IL15RA: variants seen among roughly 807,000 people sequenced by gnomAD.
IL15RA encodes interleukin-15 receptor subunit alpha.
In IL15RA, 26 loss-of-function variants were observed where a neutral mutation model predicts 24.2. The ratio of observed to expected loss-of-function variants is 1.07; its 90% confidence interval spans 0.79 to 1.49. The LOEUF (loss-of-function observed/expected upper bound fraction) is 1.49. Among genes scored for constraint, IL15RA ranks in the 40% most tolerant of loss-of-function variants. The pLI, the probability that IL15RA is intolerant of heterozygous loss-of-function variation, is 0.00. For synonymous variants in IL15RA, 166 were observed against 157.6 expected, an observed-to-expected ratio of 1.05 and a Z score of -0.40; for missense variants, 354 against 356.4, an observed-to-expected ratio of 0.99 and a Z score of 0.05.
At chr10:5,978,030 G>A, upstream of IL15RA, 1 of 156,778 alleles carries the variant, frequency 6.4e-6, no homozygotes, top group Non-Finnish European at 1.4e-5. This position sits in a 1 kb window ranked among gnomAD's most constrained non-coding sequence, Gnocchi z 5.2. Flanking sequence ...GCCTGGGTGA[G>A]TGCCCGCGGA....
In IL15RA at chr10:5,967,292, CCT is replaced by C. The variant is rs1202829639; in HGVS notation, c.89-955_89-954del. Among the ~76,000 whole-genome samples the C allele has an allele frequency of 6.6e-6, 1 of 152,202 alleles. No homozygotes were observed. ...CGATCTTGGCTCACTGCAACCTCCACCTCCTGGGTTCAAGCGATTCTCCTGCC... is the reference window on the plus strand; with the variant it reads ...CGATCTTGGCTCACTGCAACCTCCACCCTGGGTTCAAGCGATTCTCCTGCC... On this transcript the variant is annotated intron_variant, in intron 1 of 6. Coordinates refer to ENST00000379977, the MANE Select transcript of IL15RA (RefSeq NM_002189.4). This position sits in a 1 kb window ranked among gnomAD's most constrained non-coding sequence, Gnocchi z 4.4.
chr10:5,954,742 A>G (rs1834293654), intron 6 of IL15RA, among the ~76,000 whole-genome samples: 1 of 152,230 alleles, frequency 6.6e-6, no homozygotes, highest in Non-Finnish European at 1.5e-5. Flanking sequence ...TAAAAAATAT[A>G]TTCAGTGAAT....
chr10:5,974,734 G>A (rs955082638), intron 1 of IL15RA, among the ~76,000 whole-genome samples: 7 of 151,934 alleles, frequency 4.6e-5, no homozygotes, highest in Middle Eastern at 3.4e-3. Context: ...AAAATTAGCC[G>A]GGCGTAGTGG....
At position 5,967,077 on chromosome 10, in the gene IL15RA, T is replaced by C. The variant is rs1023361814; in HGVS notation, c.89-738A>G. ...AATTTCTATTCTAATAGTTTTTAAC[T>C]GGATCAAATTCTCCCACCTCCATCT... On this transcript the variant is annotated intron_variant, in intron 1 of 6. Coordinates refer to ENST00000379977, the MANE Select transcript of IL15RA (RefSeq NM_002189.4). The surrounding 1 kb of genome is among the most constrained non-coding windows in gnomAD (Gnocchi z 4.4). Among the ~76,000 whole-genome samples the C allele has an allele frequency of 1.3e-5, 2 of 152,012 alleles. No individual in the cohort carries two copies. The highest frequency in any genetic ancestry group is 4.8e-5 in the African/African-American group (2 of 41,432).
chr10:5,969,295 T>A (rs927316114), intron 1 of IL15RA, among the ~76,000 whole-genome samples: 1 of 149,822 alleles, frequency 6.7e-6, no homozygotes, highest in African/African-American at 2.4e-5. Context: ...TTAAAATTTT[T>A]AAATTAAATT....
chr10:5,976,188 A>G lies in IL15RA; in HGVS notation c.88+1217T>C, dbSNP rs558508218. 6.6e-5 allele frequency among the ~76,000 whole-genome samples: 10 copies of G among 151,862 alleles called. No individual in the cohort carries two copies. The South Asian group carries it at 1.9e-3, about 28-fold the overall frequency. On this transcript the variant is annotated intron_variant, in intron 1 of 6. Transcript: ENST00000379977. ...ACTGGGAGGAACCAACCGGTCACCA[A>G]CTAACTCTGCTTCTCAGATGTGGGG...
intron 1 of IL15RA, among the ~76,000 whole-genome samples, chr10:5,974,311 AT>A (rs1838073062): frequency 6.6e-6 from 1 of 152,154 alleles, no homozygotes; most frequent in African/African-American, 2.4e-5. Flanking sequence ...ATACAATTCA[AT>A]TTTTAAGAGA....
chr10:5,960,379 G>T lies in IL15RA; in HGVS notation c.571C>A (p.His191Asn). The change falls in exon 4 of 7, where the codon CAC becomes AAC. Residue 191 changes from histidine (H) to asparagine (N), a missense_variant. Transcript: ENST00000379977. This position sits in a 1 kb window ranked among gnomAD's most constrained non-coding sequence, Gnocchi z 5.1. The part of the protein sequence containing the change: ...KNWELTASAS[H>N]QPPGVYPQGH... ...AGCGAGTGCTAACCTGGCGGCTGGT[G>T]GGAGGCGGATGCTGTGAGTTCCCAG... 1 of 1,614,044 alleles carries T rather than the reference G, an allele frequency of 6.2e-7. No homozygotes were observed. Among genetic ancestry groups the T allele is most frequent in the Non-Finnish European group, 8.5e-7 (1 of 1,179,954 alleles).
downstream of IL15RA, chr10:5,950,789 G>A (rs1833806583): frequency 6.5e-6 from 1 of 152,706 alleles, no homozygotes; most frequent in Non-Finnish European, 1.5e-5. The surrounding 1 kb of genome is among the most constrained non-coding windows in gnomAD (Gnocchi z 5.6). Flanking sequence ...CAGCCACGTG[G>A]AGAAGCCTCC....
At chr10:5,972,488 C>A (rs1342042308) in intron 1 of IL15RA, among the ~76,000 whole-genome samples, 1 of 152,112 alleles carries the variant, frequency 6.6e-6, no homozygotes, top group East Asian at 1.9e-4. Context: ...CATTGCCAGA[C>A]AAGATCAGCT....
In IL15RA at chr10:5,952,681, C is replaced by G. The variant is rs1833980792; in HGVS notation, c.*414G>C. On this transcript the variant is annotated 3_prime_UTR_variant, in exon 7 of 7. Coordinates refer to ENST00000379977, the MANE Select transcript of IL15RA (RefSeq NM_002189.4). Reference sequence around the variant, plus strand: ...TAGACGTCTCCCACGCCAGGAGAAGCCTTGTAATTGACAGAGAGCTTTGGG... The same window carrying G: ...TAGACGTCTCCCACGCCAGGAGAAGGCTTGTAATTGACAGAGAGCTTTGGG... The G allele has an allele frequency of 4.9e-6, 1 of 204,636 alleles. No individual in the cohort carries two copies. The highest frequency in any genetic ancestry group is 2.4e-5 in the African/African-American group (1 of 42,506). The allele number at this position is 204,636 out of a possible 1,614,324, so 12.7% of individuals were successfully genotyped here. A position where few individuals can be genotyped will look rare whatever the true frequency, so the allele number is the denominator to read the frequency against.
downstream of IL15RA, chr10:5,950,846 TG>T (rs1219889476): frequency 2.6e-5 from 4 of 151,704 alleles, no homozygotes; most frequent in Admixed American, 2.6e-4. This position sits in a 1 kb window ranked among gnomAD's most constrained non-coding sequence, Gnocchi z 5.6. Flanking sequence ...CAGATATCGG[TG>T]AAAAAAATGG....
At position 5,971,812 on chromosome 10, in the gene IL15RA, C is replaced by T. The variant is rs1837660493; in HGVS notation, c.89-5473G>A. 6.6e-6 allele frequency among the ~76,000 whole-genome samples: 1 copy of T among 152,224 alleles called. No individual in the cohort carries two copies. Among genetic ancestry groups the T allele is most frequent in the Admixed American group, 6.5e-5 (1 of 15,282 alleles). On this transcript the variant is annotated intron_variant, in intron 1 of 6. Coordinates refer to ENST00000379977, the MANE Select transcript of IL15RA (RefSeq NM_002189.4). The surrounding 1 kb of genome is among the most constrained non-coding windows in gnomAD (Gnocchi z 5.5). ...ACTGTCTCCAGCTCACTGCCTGAAA[C>T]TTGGCAATTCTTTTCTTTCTCTCTC...
In IL15RA at chr10:5,966,527, C is replaced by A. The variant is rs140362749; in HGVS notation, c.89-188G>T. 8.0e-4 allele frequency among the ~76,000 whole-genome samples: 121 copies of A among 152,190 alleles called. No individual in the cohort carries two copies. Among genetic ancestry groups the A allele is most frequent in the South Asian group, 4.8e-3 (23 of 4,828 alleles). On this transcript the variant is annotated intron_variant, in intron 1 of 6. Coordinates refer to ENST00000379977, the MANE Select transcript of IL15RA (RefSeq NM_002189.4). This position sits in a 1 kb window ranked among gnomAD's most constrained non-coding sequence, Gnocchi z 6.4. ...ACCCAGAAGCCTTCCTGGAGCCTCG[C>A]CTGAAGTGCCAGTCAGCCAGCAAAA...
At position 5,962,838 on chromosome 10, in the gene IL15RA, A is replaced by C. The variant is rs560076064; in HGVS notation, c.382+905T>G. On this transcript the variant is annotated intron_variant, in intron 3 of 6. Transcript: ENST00000379977. The surrounding 1 kb of genome is among the most constrained non-coding windows in gnomAD (Gnocchi z 5.2). ...GATGCAACACTAAAGCCAAGAGTGA[A>C]CTGTAGCACAAAGGTATCATAGCAT... Among the ~76,000 whole-genome samples the C allele has an allele frequency of 1.2e-4, 18 of 152,196 alleles. No homozygotes were observed. The highest frequency in any genetic ancestry group is 2.4e-4 in the Non-Finnish European group (16 of 68,036).
Position 5,960,254 on chromosome 10 carries a change from G to T in IL15RA, c.583+113C>A, listed in dbSNP as rs1256351412. 7.9e-6 allele frequency: 8 copies of T among 1,018,694 alleles called. No individual in the cohort carries two copies. Among genetic ancestry groups the T allele is most frequent in the Admixed American group, 1.8e-5 (1 of 55,566 alleles). The allele number at this position is 1,018,694 out of a possible 1,614,324, so 63.1% of individuals were successfully genotyped here. A position where few individuals can be genotyped will look rare whatever the true frequency, so the allele number is the denominator to read the frequency against. ...GTGGCCGGGGCCAGCAGGCTGCCCA[G>T]TGAATCCTGACTTTGGATTGATGGT... is the stretch of plus-strand genomic sequence containing the variant. On this transcript the variant is annotated intron_variant, in intron 4 of 6. Transcript: ENST00000379977. The surrounding 1 kb of genome is among the most constrained non-coding windows in gnomAD (Gnocchi z 5.1).
Position 5,965,424 on chromosome 10 carries a change from G to C in IL15RA, c.283+721C>G, listed in dbSNP as rs1382847955. On this transcript the variant is annotated intron_variant, in intron 2 of 6. Transcript: ENST00000379977. The surrounding 1 kb of genome is among the most constrained non-coding windows in gnomAD (Gnocchi z 5.8). ...ATTTCTCACACTAGCGTGCTCATGA[G>C]TGCCCGCCCAGCTCTGCAGCCAAAT... Among the ~76,000 whole-genome samples the C allele has an allele frequency of 6.6e-6, 1 of 152,230 alleles. No individual in the cohort carries two copies. Among genetic ancestry groups the C allele is most frequent in the African/African-American group, 2.4e-5 (1 of 41,450 alleles).
chr10:5,976,890 C>A (rs1040107489), intron 1 of IL15RA: 1 of 152,582 alleles, frequency 6.6e-6, no homozygotes, highest in Non-Finnish European at 1.5e-5. Context: ...TTGCCCGACG[C>A]GTTTCCCCCT....
rs529449143 is a variant in IL15RA, at chr10:5,964,195, G to A, written c.284-354C>T. On this transcript the variant is annotated intron_variant, in intron 2 of 6. Coordinates refer to ENST00000379977, the MANE Select transcript of IL15RA (RefSeq NM_002189.4). This position sits in a 1 kb window ranked among gnomAD's most constrained non-coding sequence, Gnocchi z 5.6. ...TTTGTTTGAGACAGGGTCTTGCTCC[G>A]TTGCCCAGGTTGGAGTGCAGTAGTG... Among the ~76,000 whole-genome samples, 42 of 152,208 alleles carry A rather than the reference G, an allele frequency of 2.8e-4. No homozygotes were observed. The highest frequency in any genetic ancestry group is 8.3e-4 in the South Asian group (4 of 4,814).
Sources: allele counts gnomAD v4.1 joint callset (sites outside exome capture counted in the v4.1 genomes callset), GRCh38; gene constraint gnomAD v4.1.1; non-coding constraint Gnocchi (gnomAD v3.1); transcripts MANE v1.5; gene names NCBI Gene and HGNC (gene_info 2026-07-23, HGNC 2026-07-21).